LMAN2L: variants seen among roughly 807,000 people sequenced by gnomAD.
LMAN2L encodes lectin, mannose binding 2 like.
Under a neutral mutation model 44.3 loss-of-function variants are expected in LMAN2L, and 30 were observed. That is an observed-to-expected ratio of 0.68 (90% CI 0.51 to 0.92). The LOEUF (loss-of-function observed/expected upper bound fraction) is 0.92. Ranked by LOEUF, LMAN2L falls within the 40% of genes least tolerant of loss-of-function variation. The probability of loss-of-function intolerance (pLI) is 0.00; values close to 1 mark genes in which losing one functional copy is unlikely to be tolerated. For missense variants in LMAN2L, 429 were observed against 446.1 expected (o/e 0.96, Z 0.35); for synonymous variants, 183 against 171.1 (o/e 1.07, Z -0.54).
intron 4 of LMAN2L, among the ~76,000 whole-genome samples, chr2:96,729,248 C>A (rs969373600): frequency 4.6e-5 from 7 of 151,330 alleles, no homozygotes; most frequent in African/African-American, 1.7e-4. Flanking sequence ...AGAAGTCAAC[C>A]TGACAGAAAA....
chr2:96,710,273 A>C (rs968845263), intron 6 of LMAN2L, among the ~76,000 whole-genome samples: 3 of 152,200 alleles, frequency 2.0e-5, no homozygotes, highest in African/African-American at 7.2e-5. Context: ...AAAACTCTTC[A>C]AACTGTATTC....
chr2:96,707,268 CT>C lies in LMAN2L; in HGVS notation c.1034del (p.Lys345SerfsTer18). On this transcript the variant is annotated frameshift_variant, in exon 8 of 8. Coordinates refer to ENST00000264963, the MANE Select transcript of LMAN2L (RefSeq NM_030805.4). LOFTEE classifies it high-confidence loss of function. ...LYNKWQEQSR[K>X]RFY ...GCAGCAGGAGGGCTCAGTAGAAGCG[CT>C]TTCGGCTCTGTTCCTGCCATTTGTT... 1.2e-6 allele frequency: 2 copies of C among 1,614,108 alleles called. No individual in the cohort carries two copies. The highest frequency in any genetic ancestry group is 1.7e-6 in the Non-Finnish European group (2 of 1,179,988).
intron 6 of LMAN2L, among the ~76,000 whole-genome samples, chr2:96,708,516 C>T (rs764105076): frequency 1.3e-5 from 2 of 152,174 alleles, no homozygotes; most frequent in Non-Finnish European, 2.9e-5. Context: ...TATGTCAAGA[C>T]GCATCTGTAT....
intron 6 of LMAN2L, among the ~76,000 whole-genome samples, chr2:96,711,365 A>G (rs1040904721): frequency 5.3e-5 from 8 of 152,264 alleles, no homozygotes; most frequent in Admixed American, 3.3e-4. Flanking sequence ...GCCTGACAGC[A>G]GAAATCAGAA....
chr2:96,707,713 C>T lies in LMAN2L; in HGVS notation c.904+1G>A. 6.2e-7 allele frequency: 1 copy of T among 1,614,110 alleles called. No individual in the cohort carries two copies. The highest frequency in any genetic ancestry group is 1.1e-5 in the South Asian group (1 of 91,062). On this transcript the variant is annotated splice_donor_variant, in intron 7 of 7. Transcript: ENST00000264963. LOFTEE classifies it high-confidence loss of function. ...CATTTCCCGCGGGCCCCTGTGCTCACTCTCAGGCAGCTTCATATTGTCCAC... is the reference window on the plus strand; with the variant it reads ...CATTTCCCGCGGGCCCCTGTGCTCATTCTCAGGCAGCTTCATATTGTCCAC...
intron 1 of LMAN2L, 36 bp downstream of exon 1, chr2:96,739,818 C>A (rs2153338717): frequency 6.2e-7 from 1 of 1,604,234 alleles, no homozygotes; most frequent in African/African-American, 1.3e-5. Flanking sequence ...CCGAAGCCCG[C>A]CCCACTGCAC....
At chr2:96,737,395 A>C (rs949749614) in intron 2 of LMAN2L, among the ~76,000 whole-genome samples, 3 of 152,218 alleles carry the variant, frequency 2.0e-5, no homozygotes, top group Non-Finnish European at 4.4e-5. Flanking sequence ...CACACCTATA[A>C]TCCCTGACCT....
At chr2:96,712,343 C>A (rs2077944947) in intron 4 of LMAN2L, among the ~76,000 whole-genome samples, 1 of 152,216 alleles carries the variant, frequency 6.6e-6, no homozygotes, top group Non-Finnish European at 1.5e-5. Context: ...CACTTATGTG[C>A]CGCCTAATAC....
chr2:96,732,587 T>A (rs902131482), intron 4 of LMAN2L, among the ~76,000 whole-genome samples: 1 of 148,568 alleles, frequency 6.7e-6, no homozygotes, highest in Non-Finnish European at 1.5e-5. Flanking sequence ...GAGGTTGCAG[T>A]GAGCCGAGAT....
intron 2 of LMAN2L, among the ~76,000 whole-genome samples, chr2:96,737,690 A>G (rs1266946530): frequency 1.3e-5 from 2 of 152,198 alleles, no homozygotes; most frequent in African/African-American, 4.8e-5. Flanking sequence ...CCTAAGAAGT[A>G]GTACTATTGG....
intron 4 of LMAN2L, among the ~76,000 whole-genome samples, chr2:96,714,043 A>C (rs1037644198): frequency 2.0e-5 from 3 of 152,260 alleles, no homozygotes; most frequent in Admixed American, 6.5e-5. Flanking sequence ...AAAGAGAAAC[A>C]AGACAGACAG....
rs538865654 is a variant in LMAN2L at position 96,731,631 on chromosome 2, G to A, written c.507+1888C>T. Among the ~76,000 whole-genome samples, 39 of 151,998 alleles carry A rather than the reference G, an allele frequency of 2.6e-4. 1 individual carries two copies. The South Asian group carries it at 3.9e-3, about 15-fold the overall frequency. ...CACCACTGCACTCCAGCCTGGAGAC[G>A]AGCGAGACTCCATCTCAAAAAATAA... On this transcript the variant is annotated intron_variant, in intron 4 of 7. Transcript: ENST00000264963.
At chr2:96,716,922 A>G (rs952408850) in intron 4 of LMAN2L, among the ~76,000 whole-genome samples, 1 of 152,240 alleles carries the variant, frequency 6.6e-6, no homozygotes, top group Admixed American at 6.5e-5. Flanking sequence ...GTTCCAGATT[A>G]AAGGAGAGTA....
intron 1 of LMAN2L, 139 bp from the exon 2 acceptor site, chr2:96,738,206 T>C (rs982429660): frequency 1.6e-6 from 1 of 632,434 alleles, no homozygotes; most frequent in Non-Finnish European, 2.8e-6. Flanking sequence ...CTCTCAGTCA[T>C]GAATCTTACC....
At chr2:96,732,086 C>A (rs2078410226) in intron 4 of LMAN2L, among the ~76,000 whole-genome samples, 1 of 151,998 alleles carries the variant, frequency 6.6e-6, no homozygotes, top group South Asian at 2.1e-4. Context: ...CTGCTAACCT[C>A]AAGTAATCTG....
intron 4 of LMAN2L, among the ~76,000 whole-genome samples, chr2:96,716,459 T>C (rs1574004402): frequency 6.6e-6 from 1 of 152,330 alleles, no homozygotes; most frequent in East Asian, 1.9e-4. Context: ...AACCATACCA[T>C]TGTCTAGTAA....
chr2:96,733,481 T>C (rs758570300), intron 4 of LMAN2L, 38 bp downstream of exon 4: 1 of 1,459,762 alleles, frequency 6.9e-7, no homozygotes, highest in African/African-American at 1.4e-5. Flanking sequence ...AACTGTGATG[T>C]CAGTGTAGCT....
chr2:96,709,570 T>C (rs1490880492), intron 6 of LMAN2L, among the ~76,000 whole-genome samples: 2 of 152,162 alleles, frequency 1.3e-5, no homozygotes, highest in East Asian at 1.9e-4. Context: ...GATTCCCAGG[T>C]AGTGAAAAAC....
intron 2 of LMAN2L, among the ~76,000 whole-genome samples, chr2:96,735,058 C>G (rs1320342676): frequency 6.6e-6 from 1 of 152,224 alleles, no homozygotes; most frequent in Non-Finnish European, 1.5e-5. Context: ...TTAGCTAGAC[C>G]TGGCCCTCTG....
Sources: allele counts gnomAD v4.1 joint callset (sites outside exome capture counted in the v4.1 genomes callset), GRCh38; gene constraint gnomAD v4.1.1; transcripts MANE v1.5; gene names NCBI Gene and HGNC (gene_info 2026-07-23, HGNC 2026-07-21).